Variants in POU6F2 observed in about 807,000 individuals in gnomAD.
POU6F2 encodes POU class 6 homeobox 2, also known as POU domain, class 6, transcription factor 2.
A neutral mutation model predicts 71.3 loss-of-function variants in POU6F2; 31 were observed. The observed-to-expected ratio is 0.43, with a 90% CI of 0.33 to 0.59. The LOEUF (loss-of-function observed/expected upper bound fraction) is 0.59. POU6F2 is among the 20% of genes least tolerant of loss of function. POU6F2 has a pLI of 0.04. For missense variants in POU6F2, 783 were observed against 856.8 expected (o/e 0.91, Z 1.07); for synonymous variants, 347 against 355.7 (o/e 0.98, Z 0.27).
chr7:39,091,225 C>T (rs1431657964), intron 2 of POU6F2, among the ~76,000 whole-genome samples: 3 of 152,180 alleles, frequency 2.0e-5, no homozygotes, highest in African/African-American at 7.2e-5. Flanking sequence ...TGGAGCTGCT[C>T]ATTTCTAAGT....
intron 1 of POU6F2, among the ~76,000 whole-genome samples, chr7:39,067,600 A>G (rs1562692657): frequency 6.6e-6 from 1 of 152,096 alleles, no homozygotes; most frequent in Non-Finnish European, 1.5e-5. Flanking sequence ...GGGGAAAATA[A>G]CAATACCAGT....
intron 6 of POU6F2, among the ~76,000 whole-genome samples, chr7:39,421,766 C>A (rs1015078445): frequency 1.3e-5 from 2 of 151,964 alleles, no homozygotes; most frequent in Non-Finnish European, 2.9e-5. Context: ...ATAATATAAA[C>A]ATTTCATAGG....
At chr7:39,442,184 C>T (rs116368928) in intron 7 of POU6F2, among the ~76,000 whole-genome samples, 1,534 of 152,208 alleles carry the variant, frequency 0.01, 20 homozygotes, top group African/African-American at 0.035. Context: ...ATGTGTCTGG[C>T]ATTGGTACCA....
At position 39,071,693 on chromosome 7, in the gene POU6F2, ACACAC is replaced by A. The variant is rs1790885658; in HGVS notation, c.106-14166_106-14162del. ...CACACACACACACACACACACACAC[ACACAC>A]AATATCAAAGTTAAATGAGAAAAAA... On this transcript the variant is annotated intron_variant, in intron 1 of 9. Coordinates refer to ENST00000518318, the MANE Select transcript of POU6F2 (RefSeq NM_001370959.1). 2.2e-5 allele frequency among the ~76,000 whole-genome samples: 3 copies of A among 136,818 alleles called. No individual in the cohort carries two copies. In the Admixed American group the frequency reaches 2.3e-4, roughly 10 times the overall value. The allele number at this position is 136,818 out of a possible 152,430, so 89.8% of individuals were successfully genotyped here. A position where few individuals can be genotyped will look rare whatever the true frequency, so the allele number is the denominator to read the frequency against.
chr7:39,367,478 G>A (rs1266690307), intron 5 of POU6F2, among the ~76,000 whole-genome samples: 2 of 152,108 alleles, frequency 1.3e-5, no homozygotes, highest in Non-Finnish European at 2.9e-5. Flanking sequence ...AAGAGGTAAG[G>A]GTTAAACCTT....
chr7:39,206,822 G>T (rs2128745783), intron 3 of POU6F2, among the ~76,000 whole-genome samples: 1 of 152,232 alleles, frequency 6.6e-6, no homozygotes, highest in Middle Eastern at 3.4e-3. Flanking sequence ...CTGAGTTAAA[G>T]GGGGATAAAT....
chr7:39,324,687 C>T (rs1785473626), intron 4 of POU6F2, among the ~76,000 whole-genome samples: 1 of 152,158 alleles, frequency 6.6e-6, no homozygotes, highest in Admixed American at 6.5e-5. Context: ...ACCAACCATC[C>T]TGGCAGAAAT....
At chr7:39,423,326 A>G (rs1787896405) in intron 6 of POU6F2, among the ~76,000 whole-genome samples, 1 of 152,196 alleles carries the variant, frequency 6.6e-6, no homozygotes, top group African/African-American at 2.4e-5. Context: ...GAGAGGATTT[A>G]CAGAATACTC....
chr7:39,302,149 C>T (rs1389667884), intron 4 of POU6F2, among the ~76,000 whole-genome samples: 3 of 152,118 alleles, frequency 2.0e-5, no homozygotes, highest in Non-Finnish European at 4.4e-5. Context: ...TACATTTTCT[C>T]AATTTCACAC....
intron 4 of POU6F2, among the ~76,000 whole-genome samples, chr7:39,252,903 C>G (rs546069809): frequency 6.6e-6 from 1 of 152,266 alleles, no homozygotes; most frequent in African/African-American, 2.4e-5. Context: ...TAACACTATG[C>G]GATAGACCAT....
At chr7:39,164,157 G>C (rs139357455) in intron 2 of POU6F2, among the ~76,000 whole-genome samples, 1 of 151,600 alleles carries the variant, frequency 6.6e-6, no homozygotes, top group African/African-American at 2.4e-5. Flanking sequence ...TAGCCATTCC[G>C]CAATGTATAC....
rs1036318145 is a variant in POU6F2, at chr7:39,460,391, G to A, written c.1490-156G>A. Among the ~76,000 whole-genome samples the A allele has an allele frequency of 2.0e-5, 3 of 152,154 alleles. No homozygotes were observed. The highest frequency in any genetic ancestry group is 7.2e-5 in the African/African-American group (3 of 41,424). Reference sequence around the variant, plus strand: ...GTAATGAGTTGCGGATGGAGTGTTGGGTGTCTCACCTGGGAGACAAAGCGA... The same window carrying A: ...GTAATGAGTTGCGGATGGAGTGTTGAGTGTCTCACCTGGGAGACAAAGCGA... On this transcript the variant is annotated intron_variant, in intron 8 of 9. Transcript: ENST00000518318. This position sits in a 1 kb window ranked among gnomAD's most constrained non-coding sequence, Gnocchi z 4.4.
In POU6F2 at chr7:39,338,106, A is replaced by G. The variant is rs569623401; in HGVS notation, c.599-1536A>G. Among the ~76,000 whole-genome samples the G allele has an allele frequency of 4.4e-4, 67 of 152,336 alleles. 1 individual carries two copies. In the South Asian group the frequency reaches 0.01, roughly 24 times the overall value. On this transcript the variant is annotated intron_variant, in intron 4 of 9. Coordinates refer to ENST00000518318, the MANE Select transcript of POU6F2 (RefSeq NM_001370959.1). ...TATGTGCCCCCACCTGAAAGACATC[A>G]GGTTAGGTTCGATTTGAATCAGGCA...
At chr7:39,463,312 A>G (rs1788991389) in intron 9 of POU6F2, among the ~76,000 whole-genome samples, 1 of 152,256 alleles carries the variant, frequency 6.6e-6, no homozygotes, top group African/African-American at 2.4e-5. Context: ...GTTGATATAT[A>G]GAAGACCTCA....
intron 4 of POU6F2, among the ~76,000 whole-genome samples, chr7:39,236,824 T>C (rs936087743): frequency 1.3e-5 from 2 of 152,220 alleles, no homozygotes; most frequent in African/African-American, 2.4e-5. Flanking sequence ...CACAAATGTA[T>C]CCTCTTAACA....
intron 6 of POU6F2, 92 bp downstream of exon 6, chr7:39,406,832 C>T: frequency 5.4e-6 from 8 of 1,472,314 alleles, no homozygotes; most frequent in Non-Finnish European, 7.5e-6. Context: ...GATATGTAAC[C>T]GCATCTATTC....
intron 1 of POU6F2, among the ~76,000 whole-genome samples, chr7:39,080,602 C>T (rs1405988): frequency 6.6e-6 from 1 of 152,018 alleles, no homozygotes; most frequent in Non-Finnish European, 1.5e-5. Flanking sequence ...ATAACTTTAC[C>T]ATACTTGAGT....
At chr7:39,142,225 G>T (rs1458484555) in intron 2 of POU6F2, among the ~76,000 whole-genome samples, 2 of 152,194 alleles carry the variant, frequency 1.3e-5, no homozygotes, top group African/African-American at 4.8e-5. Flanking sequence ...ACATGCTGAA[G>T]CATGGAGGCC....
chr7:39,426,073 T>C (rs1366670526), intron 6 of POU6F2, among the ~76,000 whole-genome samples: 1 of 152,214 alleles, frequency 6.6e-6, no homozygotes, highest in Non-Finnish European at 1.5e-5. Context: ...TTCCTGCTGC[T>C]TGCTGCTGTG....
Sources: allele counts gnomAD v4.1 joint callset (sites outside exome capture counted in the v4.1 genomes callset), GRCh38; gene constraint gnomAD v4.1.1; non-coding constraint Gnocchi (gnomAD v3.1); transcripts MANE v1.5; gene names NCBI Gene and HGNC (gene_info 2026-07-23, HGNC 2026-07-21).